The following NBEA variants were observed in gnomAD, a reference collection of about 807,000 sequenced individuals.
NBEA encodes the protein lysosomal-trafficking regulator 2.
NBEA carries 44 observed loss-of-function variants against 343.4 expected under a neutral mutation model. That is an observed-to-expected ratio of 0.13 (90% CI 0.10 to 0.16). The LOEUF (loss-of-function observed/expected upper bound fraction) is 0.16. Ranked by LOEUF, NBEA falls within the 10% of genes least tolerant of loss-of-function variation. The probability of loss-of-function intolerance (pLI) is 1.00; values close to 1 mark genes in which losing one functional copy is unlikely to be tolerated. For synonymous variants in NBEA, 1,175 were observed against 1,238.7 expected (o/e 0.95, Z 1.08); for missense variants, 2,555 against 3,631.3 (o/e 0.70, Z 7.62).
intron 33 of NBEA, among the ~76,000 whole-genome samples, chr13:35,217,844 A>T (rs1361451807): frequency 6.6e-6 from 1 of 152,082 alleles, no homozygotes; most frequent in Non-Finnish European, 1.5e-5. Context: ...CAGCTCCTTC[A>T]TAATTATTCT....
chr13:35,663,632 A>G (rs1183058236), intron 55 of NBEA, among the ~76,000 whole-genome samples: 1 of 152,212 alleles, frequency 6.6e-6, no homozygotes, highest in African/African-American at 2.4e-5. Context: ...ACTCTTATCA[A>G]TGCTTAAAGC....
At chr13:35,391,230 G>C (rs1417702074) in intron 38 of NBEA, among the ~76,000 whole-genome samples, 1 of 150,814 alleles carries the variant, frequency 6.6e-6, no homozygotes, top group Admixed American at 6.6e-5. Context: ...AGTTGAGACT[G>C]TGCCACTGCA....
intron 13 of NBEA, among the ~76,000 whole-genome samples, chr13:35,113,956 T>C (rs1251532763): frequency 6.6e-6 from 1 of 152,214 alleles, no homozygotes; most frequent in Non-Finnish European, 1.5e-5. Context: ...TCACATGGAT[T>C]ATGGGACAAA....
chr13:35,624,583 C>T (rs529787281), intron 48 of NBEA, among the ~76,000 whole-genome samples: 2 of 151,794 alleles, frequency 1.3e-5, no homozygotes, highest in African/African-American at 2.4e-5. Context: ...AATAAATGTT[C>T]CTGAATAGCC....
intron 52 of NBEA, among the ~76,000 whole-genome samples, chr13:35,651,186 G>A (rs1266889351): frequency 6.6e-6 from 1 of 152,186 alleles, no homozygotes; most frequent in East Asian, 1.9e-4. Context: ...GAAAAACTAT[G>A]ACTAATGAAC....
At chr13:35,394,999 T>C (rs376693338) in intron 38 of NBEA, among the ~76,000 whole-genome samples, 26 of 152,290 alleles carry the variant, frequency 1.7e-4, no homozygotes, top group Admixed American at 1.4e-3. Context: ...AAATTTCTTT[T>C]GTAACCCATG....
chr13:35,218,149 T>C (rs1365875785), intron 33 of NBEA, among the ~76,000 whole-genome samples: 3 of 152,114 alleles, frequency 2.0e-5, no homozygotes, highest in Admixed American at 2.0e-4. Flanking sequence ...TTAGGGTTCA[T>C]AGTCCTGTAC....
intron 38 of NBEA, among the ~76,000 whole-genome samples, chr13:35,383,548 C>G (rs945988866): frequency 2.0e-5 from 3 of 152,030 alleles, no homozygotes; most frequent in Non-Finnish European, 4.4e-5. Flanking sequence ...CAAAATACAG[C>G]TTTTAGATTG....
intron 36 of NBEA, among the ~76,000 whole-genome samples, chr13:35,328,919 C>A (rs1186880963): frequency 6.6e-6 from 1 of 151,676 alleles, no homozygotes; most frequent in Non-Finnish European, 1.5e-5. Context: ...TCTAAAACTA[C>A]AATAATCAAG....
chr13:35,205,498 T>G (rs1440333551), intron 31 of NBEA, among the ~76,000 whole-genome samples: 2 of 152,172 alleles, frequency 1.3e-5, no homozygotes, highest in African/African-American at 4.8e-5. Context: ...CCTTTTACTG[T>G]AATTTTCTGT....
intron 45 of NBEA, among the ~76,000 whole-genome samples, chr13:35,576,118 T>C (rs939011008): frequency 2.7e-5 from 4 of 150,938 alleles, no homozygotes; most frequent in African/African-American, 9.8e-5. Flanking sequence ...TTTGTTTTGG[T>C]TTGGTTTTTT....
chr13:35,652,717 C>T (rs1430442743), intron 53 of NBEA, among the ~76,000 whole-genome samples: 116 of 45,180 alleles, frequency 2.6e-3, no homozygotes, highest in African/African-American at 7.7e-3. Flanking sequence ...TTTTTTGAGG[C>T]GGAGTCTCGC....
intron 10 of NBEA, among the ~76,000 whole-genome samples, chr13:35,075,102 A>G (rs538522761): frequency 6.6e-6 from 1 of 152,282 alleles, no homozygotes; most frequent in African/African-American, 2.4e-5. Context: ...TCAAGATCAC[A>G]GAGACATAAG....
intron 38 of NBEA, among the ~76,000 whole-genome samples, chr13:35,430,292 C>T (rs1325801225): frequency 6.6e-6 from 1 of 152,034 alleles, no homozygotes; most frequent in Non-Finnish European, 1.5e-5. Flanking sequence ...GTCCTTAGCC[C>T]ACTTTTCGAT....
intron 44 of NBEA, among the ~76,000 whole-genome samples, chr13:35,565,266 C>T (rs2080078057): frequency 6.6e-6 from 1 of 152,122 alleles, no homozygotes; most frequent in African/African-American, 2.4e-5. Context: ...AAATGCAAAG[C>T]TTCATATAAT....
intron 31 of NBEA, among the ~76,000 whole-genome samples, chr13:35,197,700 A>G (rs1447177313): frequency 6.6e-6 from 1 of 152,022 alleles, no homozygotes; most frequent in Non-Finnish European, 1.5e-5. Context: ...ACGGGGTTTC[A>G]ACATCTTGGC....
At chr13:35,147,836 T>C (rs1343648712) in intron 18 of NBEA, among the ~76,000 whole-genome samples, 1 of 152,136 alleles carries the variant, frequency 6.6e-6, no homozygotes. Flanking sequence ...GCTCAGGGTT[T>C]TGATAAAGAG....
chr13:35,432,619 T>TG (rs1310336771), intron 39 of NBEA, among the ~76,000 whole-genome samples: 1 of 152,142 alleles, frequency 6.6e-6, no homozygotes, highest in African/African-American at 2.4e-5. Context: ...TTTTAAGAGC[T>TG]AAATGGACTT....
At chr13:35,227,814 G>T (rs1305851331) in intron 33 of NBEA, among the ~76,000 whole-genome samples, 1 of 151,866 alleles carries the variant, frequency 6.6e-6, no homozygotes, top group African/African-American at 2.4e-5. Context: ...TGTTAAAATA[G>T]AATACACAAT....
Sources: allele counts gnomAD v4.1 joint callset (sites outside exome capture counted in the v4.1 genomes callset), GRCh38; gene constraint gnomAD v4.1.1; transcripts MANE v1.5; gene names NCBI Gene and HGNC (gene_info 2026-07-23, HGNC 2026-07-21).